The following ANKFN1 variants were observed in gnomAD, a reference collection of about 807,000 sequenced individuals.
The protein encoded by ANKFN1 is ankyrin repeat and fibronectin type III domain containing 1, also known as ankyrin repeat and fibronectin type-III domain-containing protein 1.
ANKFN1 carries 74 observed loss-of-function variants against 108.7 expected under a neutral mutation model. That is an observed-to-expected ratio of 0.68 (90% CI 0.56 to 0.83). The LOEUF is 0.83. Among genes scored for constraint, ANKFN1 ranks in the 40% least tolerant of loss-of-function variants. The probability of loss-of-function intolerance (pLI) is 0.00; values close to 1 mark genes in which losing one functional copy is unlikely to be tolerated. For synonymous variants in ANKFN1, 547 were observed against 516.2 expected (o/e 1.06, Z -0.81); for missense variants, 1,505 against 1,382.3 (o/e 1.09, Z -1.41).
At chr17:56,436,792 G>A (rs1432341575) in intron 8 of ANKFN1, among the ~76,000 whole-genome samples, 3 of 149,460 alleles carry the variant, frequency 2.0e-5, no homozygotes, top group South Asian at 2.1e-4. Context: ...AGCTGAGATC[G>A]TGCCACTGCA....
At chr17:56,228,524 T>A (rs2017400) in intron 3 of ANKFN1, 105,891 of 151,990 alleles carry the variant, frequency 0.7, 38,548 homozygotes, top group African/African-American at 0.92. Context: ...AAAGAAAATT[T>A]TAGCAGATCT....
intron 4 of ANKFN1, among the ~76,000 whole-genome samples, chr17:56,067,573 A>G (rs1025194540): frequency 6.6e-6 from 1 of 152,212 alleles, no homozygotes; most frequent in Non-Finnish European, 1.5e-5. Context: ...ATAAGGATCT[A>G]TGAAAGGCTG....
At chr17:56,270,600 C>G (rs8079697) in intron 3 of ANKFN1, among the ~76,000 whole-genome samples, 1 of 152,190 alleles carries the variant, frequency 6.6e-6, no homozygotes, top group African/African-American at 2.4e-5. Context: ...CCTCCCCTGG[C>G]TTATGGCTTC....
intron 1 of ANKFN1, among the ~76,000 whole-genome samples, chr17:56,187,397 T>C (rs1249696262): frequency 2.0e-5 from 3 of 152,132 alleles, no homozygotes; most frequent in African/African-American, 2.4e-5. Flanking sequence ...TACCATCTCA[T>C]ACCAGTTAGA....
chr17:56,444,827 G>A (rs1001456113), intron 10 of ANKFN1, among the ~76,000 whole-genome samples: 17 of 152,116 alleles, frequency 1.1e-4, no homozygotes, highest in African/African-American at 3.6e-4. Context: ...GCTGAACCAG[G>A]ACTCTAGCCT....
intron 6 of ANKFN1, among the ~76,000 whole-genome samples, chr17:56,366,293 G>T (rs2046659584): frequency 6.6e-6 from 1 of 152,132 alleles, no homozygotes; most frequent in Non-Finnish European, 1.5e-5. Flanking sequence ...AGTTTATCAA[G>T]CAAAAGAGTT....
chr17:56,064,376 C>T (rs901842899), intron 4 of ANKFN1, among the ~76,000 whole-genome samples: 17 of 152,214 alleles, frequency 1.1e-4, no homozygotes, highest in Non-Finnish European at 1.9e-4. Context: ...CCACCACTCC[C>T]GCTAGGGGCT....
chr17:56,105,764 A>G (rs1308696137), intron 4 of ANKFN1, among the ~76,000 whole-genome samples: 2 of 150,642 alleles, frequency 1.3e-5, no homozygotes, highest in African/African-American at 4.9e-5. Flanking sequence ...AGAGGGAGAG[A>G]GAGAGTTACA....
At chr17:56,266,794 A>G (rs2043663929) in intron 3 of ANKFN1, among the ~76,000 whole-genome samples, 1 of 152,216 alleles carries the variant, frequency 6.6e-6, no homozygotes, top group Admixed American at 6.6e-5. Flanking sequence ...TCATCACTAA[A>G]AAAACAAAAA....
At chr17:56,273,589 T>C (rs1317828156) in intron 3 of ANKFN1, among the ~76,000 whole-genome samples, 1 of 152,132 alleles carries the variant, frequency 6.6e-6, no homozygotes, top group African/African-American at 2.4e-5. Context: ...ATGTAATTAG[T>C]GCATTTTTAA....
chr17:56,488,700 C>T (rs1272067927), intron 18 of ANKFN1, among the ~76,000 whole-genome samples: 1 of 152,220 alleles, frequency 6.6e-6, no homozygotes, highest in African/African-American at 2.4e-5. Flanking sequence ...TTTCTGACAC[C>T]TTGGCAAAGA....
chr17:56,128,765 C>G (rs547934383), intron 4 of ANKFN1, among the ~76,000 whole-genome samples: 2 of 152,112 alleles, frequency 1.3e-5, no homozygotes, highest in African/African-American at 4.8e-5. Context: ...ACCACAGAAC[C>G]CTTTTAGCTA....
intron 3 of ANKFN1, among the ~76,000 whole-genome samples, chr17:56,264,639 C>G (rs748535844): frequency 2.0e-5 from 3 of 152,200 alleles, no homozygotes; most frequent in South Asian, 4.1e-4. Context: ...TCCATACTCA[C>G]AGCTCTTCAG....
chr17:56,152,969 A>C (rs1908754518), upstream of ANKFN1, among the ~76,000 whole-genome samples: 1 of 152,210 alleles, frequency 6.6e-6, no homozygotes, highest in Admixed American at 6.5e-5. Flanking sequence ...CAGCTCCTCC[A>C]ACCAATCCAG....
intron 6 of ANKFN1, among the ~76,000 whole-genome samples, chr17:56,366,242 G>A (rs1157924786): frequency 6.6e-6 from 1 of 152,072 alleles, no homozygotes; most frequent in African/African-American, 2.4e-5. Flanking sequence ...GTTTGTTTGT[G>A]TTTTCAGCTG....
chr17:56,073,052 G>A (rs1373580353), intron 4 of ANKFN1, among the ~76,000 whole-genome samples: 1 of 151,764 alleles, frequency 6.6e-6, no homozygotes, highest in Non-Finnish European at 1.5e-5. Flanking sequence ...GAGTGCAGTG[G>A]CGGGATCTCG....
intron 8 of ANKFN1, among the ~76,000 whole-genome samples, chr17:56,410,437 T>C (rs2048058381): frequency 6.6e-6 from 1 of 152,192 alleles, no homozygotes; most frequent in South Asian, 2.1e-4. Context: ...CATATAGTTA[T>C]GGGGTATAAT....
rs1429337813 is a variant in ANKFN1 at position 56,170,522 on chromosome 17, G to T, written c.-71+16992G>T. Among the ~76,000 whole-genome samples the T allele has an allele frequency of 2.0e-5, 3 of 151,720 alleles. No individual in the cohort carries two copies. In the East Asian group the frequency reaches 5.8e-4, roughly 29 times the overall value. ...TCATGCCTGTAATCCCAGCACCTTGGGAGGCCAAGGTGGGTGGATCATCTG... is the reference window on the plus strand; with the variant it reads ...TCATGCCTGTAATCCCAGCACCTTGTGAGGCCAAGGTGGGTGGATCATCTG... On this transcript the variant is annotated intron_variant, in intron 1 of 20. Transcript: ENST00000682825.
intron 18 of ANKFN1, among the ~76,000 whole-genome samples, chr17:56,487,912 C>T (rs942606858): frequency 2.0e-5 from 3 of 152,096 alleles, no homozygotes; most frequent in Non-Finnish European, 4.4e-5. Context: ...AGACCTGCAG[C>T]CTGATTAAGT....
Sources: allele counts gnomAD v4.1 joint callset (sites outside exome capture counted in the v4.1 genomes callset), GRCh38; gene constraint gnomAD v4.1.1; transcripts MANE v1.5; gene names NCBI Gene and HGNC (gene_info 2026-07-23, HGNC 2026-07-21).